TMEM51: variants seen among roughly 807,000 people sequenced by gnomAD.
The protein encoded by TMEM51 is chromosome 1 open reading frame 72.
A neutral mutation model predicts 13.6 loss-of-function variants in TMEM51; 8 were observed. The ratio of observed to expected loss-of-function variants is 0.59; its 90% CI spans 0.35 to 1.07. The LOEUF (loss-of-function observed/expected upper bound fraction) is 1.07, where lower values mean the gene tolerates loss of function less well. TMEM51 is among the 50% of genes least tolerant of loss of function. The probability of loss-of-function intolerance (pLI) is 0.02; values close to 1 mark genes in which losing one functional copy is unlikely to be tolerated. For synonymous variants in TMEM51, 147 were observed against 144.4 expected, an observed-to-expected ratio of 1.02 and a Z score of -0.13; for missense variants, 279 against 330.7, an observed-to-expected ratio of 0.84 and a Z score of 1.21.
chr1:15,210,060 C>T (rs1268746467), intron 1 of TMEM51, among the ~76,000 whole-genome samples: 4 of 151,654 alleles, frequency 2.6e-5, no homozygotes, highest in South Asian at 2.1e-4. Context: ...GGGAGGGAGA[C>T]GGGGAGGGAA....
Position 15,215,024 on chromosome 1 carries a change from G to T in TMEM51, c.-64G>T. ...AGCGCATTTAAGGGGTTTTTGTTGTGACTGCTGCCTTGTATACATTTATTT... is the reference window on the plus strand; with the variant it reads ...AGCGCATTTAAGGGGTTTTTGTTGTTACTGCTGCCTTGTATACATTTATTT... On this transcript the variant is annotated 5_prime_UTR_variant, in exon 3 of 4. An upstream open reading frame in the 5' UTR loses its in-frame stop. Coordinates refer to ENST00000376008, the MANE Select transcript of TMEM51 (RefSeq NM_001136218.2). 1 of 1,471,294 alleles carries T rather than the reference G, an allele frequency of 6.8e-7. No homozygotes were observed. The highest frequency in any genetic ancestry group is 2.0e-5 in the Admixed American group (1 of 49,860). 91.1% of individuals were successfully genotyped at this position (1,471,294 alleles called of 1,614,324 possible).
intron 1 of TMEM51, among the ~76,000 whole-genome samples, chr1:15,197,684 G>C (rs1042822617): frequency 2.6e-5 from 4 of 152,028 alleles, no homozygotes; most frequent in African/African-American, 9.7e-5. Flanking sequence ...TGTCGGGATG[G>C]TATCATTGTT....
intron 1 of TMEM51, among the ~76,000 whole-genome samples, chr1:15,165,862 T>C (rs943024632): frequency 2.0e-5 from 3 of 152,086 alleles, no homozygotes; most frequent in African/African-American, 7.2e-5. Context: ...AAGGTTATAC[T>C]GGGAGGTGGA....
intron 1 of TMEM51, among the ~76,000 whole-genome samples, chr1:15,186,457 T>A (rs1230285096): frequency 6.6e-6 from 1 of 152,156 alleles, no homozygotes; most frequent in African/African-American, 2.4e-5. Flanking sequence ...GACTTGCCCC[T>A]GAATGAGGGA....
chr1:15,219,008 C>A (rs1644470388), intron 3 of TMEM51, among the ~76,000 whole-genome samples: 1 of 152,148 alleles, frequency 6.6e-6, no homozygotes, highest in Non-Finnish European at 1.5e-5. Context: ...ACTGGCTCAC[C>A]CTTGAATTCC....
chr1:15,175,426 A>T (rs35356941), intron 1 of TMEM51, among the ~76,000 whole-genome samples: 34,476 of 152,026 alleles, frequency 0.23, 4,117 homozygotes, highest in East Asian at 0.37. Flanking sequence ...TAAATAAAAT[A>T]AAATAAACTA....
At chr1:15,174,129 C>T (rs930809763) in intron 1 of TMEM51, among the ~76,000 whole-genome samples, 18 of 152,224 alleles carry the variant, frequency 1.2e-4, no homozygotes, top group African/African-American at 4.3e-4. Flanking sequence ...ACTTCGAGAG[C>T]AGCTGTCAGC....
chr1:15,185,912 G>A (rs1643758472), intron 1 of TMEM51, among the ~76,000 whole-genome samples: 1 of 152,204 alleles, frequency 6.6e-6, no homozygotes. Context: ...AACGTCCACA[G>A]AGACCTCCAA....
At position 15,172,881 on chromosome 1, in the gene TMEM51, G is replaced by C. The variant is rs926619241; in HGVS notation, c.-267+18927G>C. Among the ~76,000 whole-genome samples, 8 of 152,114 alleles carry C rather than the reference G, an allele frequency of 5.3e-5. No homozygotes were observed. In the East Asian group the frequency reaches 1.3e-3, roughly 26 times the overall value. On this transcript the variant is annotated intron_variant, in intron 1 of 3. Transcript: ENST00000376008. ...GTGCTGTCGACACTACCTGCTCATT[G>C]GTCACTTAGGAGCGGTCTGGGTTAT...
rs1423803850 is a variant in TMEM51, at chr1:15,207,169, AG to A, written c.-266-3318del. ...CAGCTTGGCAGGAAGAGGTCGGTGC[AG>A]GGAGAATGCTCAAGGAGCCCCTCTG... is the stretch of plus-strand genomic sequence containing the variant. On this transcript the variant is annotated intron_variant, in intron 1 of 3. Transcript: ENST00000376008. The surrounding 1 kb of genome is among the most constrained non-coding windows in gnomAD (Gnocchi z 4.6). Among the ~76,000 whole-genome samples, 1 of 152,196 alleles carries A rather than the reference AG, an allele frequency of 6.6e-6. No individual in the cohort carries two copies. The highest frequency in any genetic ancestry group is 3.2e-3 in the Middle Eastern group (1 of 316).
intron 2 of TMEM51, among the ~76,000 whole-genome samples, chr1:15,211,113 T>A (rs909874464): frequency 6.6e-6 from 1 of 152,240 alleles, no homozygotes; most frequent in Non-Finnish European, 1.5e-5. Context: ...TCATGGTGAA[T>A]CCCATCACAC....
chr1:15,198,562 T>C (rs954160072), intron 1 of TMEM51, among the ~76,000 whole-genome samples: 4 of 151,874 alleles, frequency 2.6e-5, no homozygotes, highest in African/African-American at 9.7e-5. Context: ...GGACTACAGG[T>C]GTCCGCCACC....
At chr1:15,218,374 A>G (rs1644461004) in intron 3 of TMEM51, among the ~76,000 whole-genome samples, 1 of 152,232 alleles carries the variant, frequency 6.6e-6, no homozygotes, top group Non-Finnish European at 1.5e-5. Context: ...GGAATAGCTC[A>G]CGCAGCATGT....
intron 1 of TMEM51, among the ~76,000 whole-genome samples, chr1:15,181,408 T>C (rs1433163486): frequency 1.3e-5 from 2 of 152,220 alleles, no homozygotes. Context: ...AGGTGGCATG[T>C]GGCAACAGGT....
intron 1 of TMEM51, among the ~76,000 whole-genome samples, chr1:15,169,793 A>G (rs1489835947): frequency 6.6e-6 from 1 of 152,244 alleles, no homozygotes; most frequent in Admixed American, 6.5e-5. Context: ...AAAAAGGCAG[A>G]TTACGAAGCT....
intron 1 of TMEM51, among the ~76,000 whole-genome samples, chr1:15,208,194 G>A (rs1644282573): frequency 6.6e-6 from 1 of 152,156 alleles, no homozygotes. Flanking sequence ...ATCACCCATG[G>A]GAAGGAAAGG....
intron 1 of TMEM51, chr1:15,168,479 G>C: frequency 7.7e-7 from 1 of 1,300,678 alleles, no homozygotes; most frequent in Non-Finnish European, 1.0e-6. Context: ...GAATGTATAA[G>C]TTCCAATTTT....
intron 1 of TMEM51, among the ~76,000 whole-genome samples, chr1:15,172,380 C>G (rs1390861040): frequency 9.1e-6 from 1 of 109,436 alleles, no homozygotes; most frequent in Non-Finnish European, 1.9e-5. Flanking sequence ...TGAGTGAGAC[C>G]CTGTCTCAAA....
In TMEM51 at chr1:15,161,170, A is replaced by T. The variant is rs1452060878; in HGVS notation, c.-267+7216A>T. Among the ~76,000 whole-genome samples the T allele has an allele frequency of 6.6e-6, 1 of 152,074 alleles. No homozygotes were observed. The highest frequency in any genetic ancestry group is 1.5e-5 in the Non-Finnish European group (1 of 68,038). The stretch of plus-strand genomic sequence containing the variant: ...AACGCTGCACTCAGGGCAGATGCTG[A>T]AGGCAGAGGTGGAAAAAGTATTTTA... On this transcript the variant is annotated intron_variant, in intron 1 of 3. Coordinates refer to ENST00000376008, the MANE Select transcript of TMEM51 (RefSeq NM_001136218.2). The surrounding 1 kb of genome is among the most constrained non-coding windows in gnomAD (Gnocchi z 4.0).
Sources: allele counts gnomAD v4.1 joint callset (sites outside exome capture counted in the v4.1 genomes callset), GRCh38; gene constraint gnomAD v4.1.1; non-coding constraint Gnocchi (gnomAD v3.1); transcripts MANE v1.5; gene names NCBI Gene and HGNC (gene_info 2026-07-23, HGNC 2026-07-21).